Variants in SH3RF3 observed in about 807,000 individuals in gnomAD.
SH3RF3 encodes E3 ubiquitin-protein ligase SH3RF3.
SH3RF3 carries 29 observed loss-of-function variants against 66.3 expected under a neutral mutation model. The observed-to-expected ratio is 0.44, with a 90% confidence interval of 0.33 to 0.60. The LOEUF is 0.60. Ranked by LOEUF, SH3RF3 falls within the 20% of genes least tolerant of loss-of-function variation. The pLI is 0.04. For missense variants in SH3RF3, 1,194 were observed against 1,190.9 expected (o/e 1.00, Z -0.04); for synonymous variants, 583 against 532.0 (o/e 1.10, Z -1.32).
At chr2:109,384,713 C>G (rs1675778944) in intron 3 of SH3RF3, among the ~76,000 whole-genome samples, 1 of 152,188 alleles carries the variant, frequency 6.6e-6, no homozygotes, top group South Asian at 2.1e-4. Context: ...CTGAGGTGAA[C>G]TTTGATAGTG....
chr2:109,469,474 T>C (rs1678446302), intron 8 of SH3RF3, among the ~76,000 whole-genome samples: 1 of 152,172 alleles, frequency 6.6e-6, no homozygotes, highest in East Asian at 1.9e-4. Flanking sequence ...TGTGCAGGGG[T>C]CACACTATGT....
At chr2:109,484,357 C>G (rs893888291) in intron 8 of SH3RF3, among the ~76,000 whole-genome samples, 1 of 152,140 alleles carries the variant, frequency 6.6e-6, no homozygotes, top group Non-Finnish European at 1.5e-5. Context: ...ATGAGCCACC[C>G]TGCCTGGTCA....
At chr2:109,355,717 G>T (rs553367937) in intron 2 of SH3RF3, among the ~76,000 whole-genome samples, 148 of 152,282 alleles carry the variant, frequency 9.7e-4, no homozygotes, top group African/African-American at 3.4e-3. Flanking sequence ...CCCTGGGGAC[G>T]CCCTCCTCTG....
intron 1 of SH3RF3, among the ~76,000 whole-genome samples, chr2:109,146,959 T>G (rs1409471468): frequency 2.2e-5 from 3 of 139,266 alleles, no homozygotes; most frequent in Admixed American, 8.0e-5. Flanking sequence ...TGGCAGTAAC[T>G]GTTCCCATCT....
chr2:109,235,020 C>A (rs1679610593), intron 1 of SH3RF3, among the ~76,000 whole-genome samples: 1 of 152,192 alleles, frequency 6.6e-6, no homozygotes, highest in Non-Finnish European at 1.5e-5. Context: ...TCTTTAGAAG[C>A]TGCCCTGGTC....
At chr2:109,417,031 G>A (rs371149019) in intron 4 of SH3RF3, among the ~76,000 whole-genome samples, 5 of 152,132 alleles carry the variant, frequency 3.3e-5, no homozygotes, top group Admixed American at 2.6e-4. Flanking sequence ...CCAGGTCATC[G>A]AGTGTCAGTG....
chr2:109,215,088 G>A (rs553305477), intron 1 of SH3RF3, among the ~76,000 whole-genome samples: 3 of 152,336 alleles, frequency 2.0e-5, no homozygotes, highest in African/African-American at 7.2e-5. Context: ...TAAACCTTCA[G>A]TGGGACGACT....
chr2:109,289,225 C>CTA (rs1681108169), intron 1 of SH3RF3, among the ~76,000 whole-genome samples: 1 of 152,206 alleles, frequency 6.6e-6, no homozygotes, highest in Non-Finnish European at 1.5e-5. Context: ...GGACTGCACG[C>CTA]TCTATGTGCA....
intron 1 of SH3RF3, among the ~76,000 whole-genome samples, chr2:109,168,732 G>A (rs1378629509): frequency 6.6e-6 from 1 of 152,166 alleles, no homozygotes; most frequent in East Asian, 1.9e-4. Context: ...GCTTCTGAGA[G>A]GCCATCAGCA....
chr2:109,352,863 G>A (rs2105586397), intron 2 of SH3RF3, among the ~76,000 whole-genome samples: 1 of 152,366 alleles, frequency 6.6e-6, no homozygotes, highest in South Asian at 2.1e-4. Flanking sequence ...GACAGCAAAG[G>A]GAGTTTGGAT....
At chr2:109,465,605 A>G (rs1487523129) in intron 8 of SH3RF3, among the ~76,000 whole-genome samples, 1 of 152,252 alleles carries the variant, frequency 6.6e-6, no homozygotes, top group Non-Finnish European at 1.5e-5. Flanking sequence ...TTGCACTGCT[A>G]TAAAGAAATA....
At chr2:109,492,282 C>T (rs963739804) in intron 9 of SH3RF3, among the ~76,000 whole-genome samples, 4 of 152,206 alleles carry the variant, frequency 2.6e-5, no homozygotes, top group African/African-American at 7.2e-5. Context: ...CACAAATTAG[C>T]CGCAGGCGCA....
rs1196656965 is a variant in SH3RF3 at position 109,371,692 on chromosome 2, G to A, written c.945+11G>A. On this transcript the variant is annotated intron_variant, in intron 3 of 9. Coordinates refer to ENST00000309415, the MANE Select transcript of SH3RF3 (RefSeq NM_001099289.3). ...CTCCTGTACGTGGAGGTAAGACCGT[G>A]CCGCCCTCCCACACTTGGCTCCTTC... 5.6e-6 allele frequency: 9 copies of A among 1,611,784 alleles called. No individual in the cohort carries two copies. In the South Asian group the frequency reaches 7.7e-5, roughly 14 times the overall value.
At chr2:109,338,540 C>A (rs1042533800) in intron 1 of SH3RF3, among the ~76,000 whole-genome samples, 1 of 152,046 alleles carries the variant, frequency 6.6e-6, no homozygotes, top group South Asian at 2.1e-4. Context: ...CCGGCACAGT[C>A]AAAAACCTGT....
rs146619138 is a variant in SH3RF3 at position 109,148,469 on chromosome 2, A to C, written c.573+18356A>C. On this transcript the variant is annotated intron_variant, in intron 1 of 9. Coordinates refer to ENST00000309415, the MANE Select transcript of SH3RF3 (RefSeq NM_001099289.3). ...GATGCTGTAGCTCAAACTGTGTACAAATTTCTGCACGTGTGGGCTGATACT... is the reference window on the plus strand; with the variant it reads ...GATGCTGTAGCTCAAACTGTGTACACATTTCTGCACGTGTGGGCTGATACT... Among the ~76,000 whole-genome samples the C allele has an allele frequency of 8.2e-4, 125 of 152,292 alleles. 2 individuals carry two copies. The highest frequency in any genetic ancestry group is 2.8e-3 in the African/African-American group (117 of 41,550).
intron 1 of SH3RF3, among the ~76,000 whole-genome samples, chr2:109,152,770 C>G (rs1677253704): frequency 6.6e-6 from 1 of 152,182 alleles, no homozygotes; most frequent in Non-Finnish European, 1.5e-5. Flanking sequence ...CCCAGTGTCC[C>G]CTCCCAGGCC....
At position 109,502,657 on chromosome 2, in the gene SH3RF3, C is replaced by G. The variant is rs923604821; in HGVS notation, c.*986C>G. On this transcript the variant is annotated 3_prime_UTR_variant, in exon 10 of 10. Transcript: ENST00000309415. ...ACCAAAACCCCGCGCTCTGTCTAGA[C>G]GGTGATGATTATTATTCAAGACCTG... The G allele has an allele frequency of 6.6e-6, 1 of 152,134 alleles. No individual in the cohort carries two copies. The highest frequency in any genetic ancestry group is 1.5e-5 in the Non-Finnish European group (1 of 68,046). 9.4% of individuals were successfully genotyped at this position (152,134 alleles called of 1,614,324 possible).
At chr2:109,328,487 C>G (rs1210571787) in intron 1 of SH3RF3, among the ~76,000 whole-genome samples, 1 of 152,164 alleles carries the variant, frequency 6.6e-6, no homozygotes, top group East Asian at 1.9e-4. Context: ...CATCTGAGGA[C>G]TTGGCTAGAT....
At position 109,246,941 on chromosome 2, in the gene SH3RF3, G is replaced by A. The variant is rs1679931833; in HGVS notation, c.574-100733G>A. ...CAGGCCAATGCTGCAGCTCAGCCTT[G>A]AGGAGGCGTTCCCAGAGCATGAGGA... On this transcript the variant is annotated intron_variant, in intron 1 of 9. Transcript: ENST00000309415. Among the ~76,000 whole-genome samples the A allele has an allele frequency of 2.0e-5, 3 of 152,206 alleles. 1 individual carries two copies. The South Asian group carries it at 6.2e-4, about 31-fold the overall frequency.
Sources: gnomAD v4.1 joint callset for allele counts (sites outside exome capture counted in the v4.1 genomes callset) on GRCh38, gnomAD v4.1.1 for gene constraint, MANE v1.5 for transcripts, NCBI Gene and HGNC (gene_info 2026-07-23, HGNC 2026-07-21) for gene names.